Variants in POLB observed in about 807,000 individuals in gnomAD.
The protein encoded by POLB is 5'-dRP lyase.
POLB carries 37 observed loss-of-function variants against 52.7 expected under a neutral mutation model. That is an observed-to-expected ratio of 0.70 (90% CI 0.54 to 0.92). The LOEUF (loss-of-function observed/expected upper bound fraction) is 0.92, where lower values mean the gene tolerates loss of function less well. Among genes scored for constraint, POLB ranks in the 40% least tolerant of loss-of-function variants. The pLI is 0.00. For missense variants in POLB, 313 were observed against 400.8 expected (o/e 0.78, Z 1.87); for synonymous variants, 138 against 131.3 (o/e 1.05, Z -0.35).
intron 9 of POLB, chr8:42,357,601 G>C (rs1823398959): frequency 2.2e-6 from 1 of 448,510 alleles, no homozygotes; most frequent in East Asian, 3.4e-5. Flanking sequence ...ATATTTTAAT[G>C]ACTAGTTTTA....
chr8:42,356,506 T>C (rs3136756), intron 7 of POLB, among the ~76,000 whole-genome samples: 2,571 of 152,342 alleles, frequency 0.017, 35 homozygotes, highest in East Asian at 0.02. Flanking sequence ...CACAGAGTTG[T>C]GCACAGTGTA....
At chr8:42,358,116 T>C (rs946255200) in intron 9 of POLB, among the ~76,000 whole-genome samples, 2 of 152,188 alleles carry the variant, frequency 1.3e-5, no homozygotes, top group Non-Finnish European at 2.9e-5. Context: ...TCAGAAGAGT[T>C]CTGCTTAGTG....
rs568092686 is a variant in POLB, at chr8:42,345,072, G to T, written c.186+53G>T. 4.0e-6 allele frequency: 5 copies of T among 1,264,460 alleles called. No individual in the cohort carries two copies. The South Asian group carries it at 4.8e-5, about 12-fold the overall frequency. 78.3% of individuals were successfully genotyped at this position (1,264,460 alleles called of 1,614,324 possible). On this transcript the variant is annotated intron_variant, in intron 3 of 13. Coordinates refer to ENST00000265421, the MANE Select transcript of POLB (RefSeq NM_002690.3). ...GAGTTCACACGTGTCCAAATTTGGTGGGTTCCCACCAAACCAAACTTGCCT... is the reference window on the plus strand; with the variant it reads ...GAGTTCACACGTGTCCAAATTTGGTTGGTTCCCACCAAACCAAACTTGCCT...
intron 3 of POLB, among the ~76,000 whole-genome samples, chr8:42,345,497 C>T (rs572855079): frequency 3.3e-5 from 5 of 152,182 alleles, no homozygotes; most frequent in Non-Finnish European, 5.9e-5. Flanking sequence ...GTAATTTCCA[C>T]GAAGCCTTGT....
chr8:42,342,250 TTA>T, intron 2 of POLB: 12 of 1,546,082 alleles, frequency 7.8e-6, no homozygotes, highest in Non-Finnish European at 9.7e-6. Flanking sequence ...CTACATTGTA[TTA>T]TCGCCAGTCA....
rs1224877983 is a variant in POLB, at chr8:42,350,014, A to G, written c.269A>G (p.Gln90Arg). ...CTTTTTTTTTTCTTAAAGATTCGGC[A>G]GGATGATACGAGTTCATCCATCAAT... Reference protein sequence around the residue: ...GKLRKLEKIRQDDTSSSINFL... With the variant: ...GKLRKLEKIRRDDTSSSINFL... The change falls in exon 5 of 14, where the codon CAG becomes CGG. Residue 90 changes from glutamine (Q) to arginine (R), a missense_variant. Coordinates refer to ENST00000265421, the MANE Select transcript of POLB (RefSeq NM_002690.3). 6.2e-7 allele frequency: 1 copy of G among 1,604,706 alleles called. No individual in the cohort carries two copies. Among genetic ancestry groups the G allele is most frequent in the Admixed American group, 1.7e-5 (1 of 60,016 alleles).
Position 42,357,313 on chromosome 8 carries a change from C to G in POLB, c.478-7C>G. The G allele has an allele frequency of 1.3e-6, 2 of 1,499,206 alleles. No homozygotes were observed. The highest frequency in any genetic ancestry group is 1.9e-6 in the Non-Finnish European group (2 of 1,076,540). The allele number at this position is 1,499,206 out of a possible 1,614,324, so 92.9% of individuals were successfully genotyped here. On this transcript the variant is annotated splice_region_variant and splice_polypyrimidine_tract_variant and intron_variant, in intron 8 of 13. Coordinates refer to ENST00000265421, the MANE Select transcript of POLB (RefSeq NM_002690.3). ...TGGGAATACTGACTTAATTTTTCTT[C>G]TATTAGGATATTGTACTAAATGAAG... is the stretch of plus-strand genomic sequence containing the variant.
intron 9 of POLB, 180 bp from the exon 10 acceptor site, chr8:42,361,115 T>C: frequency 1.4e-6 from 1 of 695,484 alleles, no homozygotes; most frequent in Non-Finnish European, 2.6e-6. Flanking sequence ...TCTACATCAA[T>C]ACACCTGAAT....
At chr8:42,367,223 A>G (rs1336152918) in intron 11 of POLB, among the ~76,000 whole-genome samples, 2 of 152,176 alleles carry the variant, frequency 1.3e-5, no homozygotes, top group Non-Finnish European at 2.9e-5. Context: ...GTGGGAAGGG[A>G]CTGATAGTTA....
At chr8:42,342,304 T>C in intron 2 of POLB, 2 of 1,535,476 alleles carry the variant, frequency 1.3e-6, no homozygotes, top group South Asian at 1.1e-5. Context: ...GCCAAACCTA[T>C]TGAGAAGCCT....
At chr8:42,363,103 A>G (rs1246601585) in intron 11 of POLB, among the ~76,000 whole-genome samples, 3 of 151,808 alleles carry the variant, frequency 2.0e-5, no homozygotes, top group African/African-American at 7.3e-5. Flanking sequence ...AGCCTGGGCC[A>G]CAAGAGAGAA....
Position 42,342,393 on chromosome 8 carries a change from G to A in POLB, c.120-2560G>A, listed in dbSNP as rs139912517. ...CCTTCACACCATATTTTGGCAGTTC[G>A]TGTGCATATGCTGCGCAGACTATCA... is the stretch of plus-strand genomic sequence containing the variant. On this transcript the variant is annotated intron_variant, in intron 2 of 13. Coordinates refer to ENST00000265421, the MANE Select transcript of POLB (RefSeq NM_002690.3). 2.6e-5 allele frequency: 38 copies of A among 1,460,894 alleles called. 2 individuals are homozygous for A. The highest frequency in any genetic ancestry group is 2.4e-4 in the African/African-American group (17 of 72,162). 90.5% of individuals were successfully genotyped at this position (1,460,894 alleles called of 1,614,324 possible).
In POLB at chr8:42,351,167, G is replaced by A. The variant is rs199733515; in HGVS notation, c.320+1102G>A. Among the ~76,000 whole-genome samples the A allele has an allele frequency of 2.0e-5, 3 of 152,130 alleles. No individual in the cohort carries two copies. In the East Asian group the frequency reaches 5.8e-4, roughly 29 times the overall value. On this transcript the variant is annotated intron_variant, in intron 5 of 13. Coordinates refer to ENST00000265421, the MANE Select transcript of POLB (RefSeq NM_002690.3). The stretch of plus-strand genomic sequence containing the variant: ...TAGGATTATAGGTGTGAACCACAAG[G>A]TGTTTTAGAGAGCATCTATTATCCT...
At chr8:42,371,315 G>C (rs1824376263) in intron 13 of POLB, among the ~76,000 whole-genome samples, 1 of 152,030 alleles carries the variant, frequency 6.6e-6, no homozygotes, top group Non-Finnish European at 1.5e-5. Context: ...TAGAGATGGG[G>C]TTTCTCCATG....
chr8:42,356,559 CAGAA>C (rs915021649), intron 7 of POLB, among the ~76,000 whole-genome samples: 24 of 152,232 alleles, frequency 1.6e-4, no homozygotes, highest in African/African-American at 5.8e-4. Flanking sequence ...TTTGTTATCT[CAGAA>C]AGAACCCTGT....
In POLB at chr8:42,370,272, T is replaced by TGG. The variant is rs1563411069; in HGVS notation, c.913+284_913+285insGG. ...TCATCTAAAAGGGTTTTTTTTTTTT[T>TGG]TTTTTTTTTTTTGCTGTTGTTTAAT... On this transcript the variant is annotated intron_variant, in intron 13 of 13. Transcript: ENST00000265421. The TGG allele has an allele frequency of 3.6e-5, 17 of 466,634 alleles. No homozygotes were observed. In the East Asian group the frequency reaches 9.1e-4, roughly 25 times the overall value. 28.9% of individuals were successfully genotyped at this position (466,634 alleles called of 1,614,324 possible).
Position 42,362,627 on chromosome 8 carries a change from C to T in POLB, c.637C>T (p.Gln213Ter). The change falls in exon 11 of 14, where the codon CAG (glutamine) becomes TAG (stop). Residue 213 changes from glutamine (Q) to a stop codon, truncating the protein, a stop_gained. Transcript: ENST00000265421. LOFTEE classifies it high-confidence loss of function. ...ESTKQPKLLH[Q>*]VVEQLQKVHF... ...GATTCTACAGCCAAAACTGTTACAT[C>T]AGGTTGTGGAGCAGTTACAAAAGGT... 6.2e-7 allele frequency: 1 copy of T among 1,605,192 alleles called. No individual in the cohort carries two copies. Among genetic ancestry groups the T allele is most frequent in the Non-Finnish European group, 8.5e-7 (1 of 1,172,136 alleles).
chr8:42,365,093 G>C (rs1022915828), intron 11 of POLB, among the ~76,000 whole-genome samples: 14 of 145,762 alleles, frequency 9.6e-5, no homozygotes, highest in African/African-American at 3.5e-4. Flanking sequence ...TCTCAAAAAA[G>C]AAAAAAAAAA....
intron 5 of POLB, among the ~76,000 whole-genome samples, chr8:42,352,061 C>T (rs888422981): frequency 6.6e-6 from 1 of 152,184 alleles, no homozygotes; most frequent in African/African-American, 2.4e-5. Context: ...GACCTTCTAC[C>T]ACTCAGTCTA....
Sources: gnomAD v4.1 joint callset for allele counts (sites outside exome capture counted in the v4.1 genomes callset) on GRCh38, gnomAD v4.1.1 for gene constraint, MANE v1.5 for transcripts, NCBI Gene and HGNC (gene_info 2026-07-23, HGNC 2026-07-21) for gene names.